DNAH3: variants seen among roughly 807,000 people sequenced by gnomAD.
DNAH3 encodes the protein dynein axonemal heavy chain 3.
DNAH3 carries 332 observed loss-of-function variants against 432.5 expected under a neutral mutation model. That is an observed-to-expected ratio of 0.77 (90% confidence interval 0.70 to 0.84). The LOEUF (loss-of-function observed/expected upper bound fraction) is 0.84, where lower values mean the gene tolerates loss of function less well. Ranked by LOEUF, DNAH3 falls within the 40% of genes least tolerant of loss-of-function variation. DNAH3 has a pLI of 0.00. For missense variants in DNAH3, 4,861 were observed against 5,114.0 expected (o/e 0.95, Z 1.51); for synonymous variants, 1,956 against 1,900.2 (o/e 1.03, Z -0.76).
intron 59 of DNAH3, 143 bp downstream of exon 59, chr16:20,941,258 C>T: frequency 1.1e-6 from 1 of 878,144 alleles, no homozygotes; most frequent in Non-Finnish European, 1.8e-6. Context: ...GGGGATGGTC[C>T]TATTCACAGC....
At chr16:21,114,669 T>G (rs1567814587) in intron 12 of DNAH3, among the ~76,000 whole-genome samples, 2 of 152,018 alleles carry the variant, frequency 1.3e-5, no homozygotes. Flanking sequence ...ATCAGAGAAA[T>G]GCAAATCAAA....
chr16:21,000,487 G>A (rs755781437), exon 43 of DNAH3: 1 of 1,611,860 alleles, frequency 6.2e-7, no homozygotes, highest in East Asian at 2.2e-5. Flanking sequence ...CTGCCGGGCT[G>A]TCTCCATTGT....
At chr16:21,053,375 G>A (rs887480036) in intron 28 of DNAH3, among the ~76,000 whole-genome samples, 2 of 152,138 alleles carry the variant, frequency 1.3e-5, no homozygotes, top group East Asian at 3.9e-4. Flanking sequence ...GTATGCCTGA[G>A]GGATCCAAGA....
At chr16:21,079,777 G>T (rs1199501893) in intron 20 of DNAH3, among the ~76,000 whole-genome samples, 6 of 152,214 alleles carry the variant, frequency 3.9e-5, no homozygotes, top group Non-Finnish European at 5.9e-5. Flanking sequence ...AAACCTAAGG[G>T]TTTTTATCCT....
chr16:21,144,971 A>G (rs964529937), intron 3 of DNAH3, among the ~76,000 whole-genome samples: 2 of 152,046 alleles, frequency 1.3e-5, no homozygotes, highest in Non-Finnish European at 2.9e-5. Flanking sequence ...TACAAAAAAA[A>G]ATAGCCAGGT....
rs530645573 is a variant in DNAH3 at position 20,999,832 on chromosome 16, C to T, written c.6421+392G>A. Among the ~76,000 whole-genome samples the T allele has an allele frequency of 3.9e-5, 6 of 152,248 alleles. No homozygotes were observed. In the South Asian group the frequency reaches 1.2e-3, roughly 32 times the overall value. ...TAGGTTCCTCCATTTAGTGATAACACATTTATCTGACAGAAAATGGAATAA... is the reference window on the plus strand; with the variant it reads ...TAGGTTCCTCCATTTAGTGATAACATATTTATCTGACAGAAAATGGAATAA... On this transcript the variant is annotated intron_variant, in intron 43 of 61. Coordinates refer to ENST00000261383, the Ensembl canonical transcript of DNAH3.
At chr16:20,939,658 A>G (rs2083731037) in intron 59 of DNAH3, among the ~76,000 whole-genome samples, 1 of 151,886 alleles carries the variant, frequency 6.6e-6, no homozygotes, top group Non-Finnish European at 1.5e-5. Context: ...GAAGCCTAAC[A>G]ACTCTCAAAT....
At chr16:20,955,206 A>G (rs542730579) in intron 54 of DNAH3, 149 bp from the exon 55 acceptor site, 38 of 746,788 alleles carry the variant, frequency 5.1e-5, no homozygotes, top group Admixed American at 9.9e-5. Flanking sequence ...TATTTTATTG[A>G]TAAATTAAAA....
chr16:21,107,735 G>C (rs889256495), intron 14 of DNAH3, among the ~76,000 whole-genome samples: 1 of 152,120 alleles, frequency 6.6e-6, no homozygotes, highest in Non-Finnish European at 1.5e-5. Flanking sequence ...AATGACTGAC[G>C]GTCTTGGCAT....
intron 18 of DNAH3, among the ~76,000 whole-genome samples, chr16:21,096,080 T>A (rs1351630298): frequency 6.6e-6 from 1 of 151,964 alleles, no homozygotes; most frequent in Non-Finnish European, 1.5e-5. Flanking sequence ...TTCTTGTGTT[T>A]ATAAATACTG....
Position 20,981,735 on chromosome 16 carries a change from GATAA to G in DNAH3, c.7859+982_7859+985del, listed in dbSNP as rs907707159. On this transcript the variant is annotated intron_variant, in intron 49 of 61. Transcript: ENST00000261383. ...GTGAGACTCCATCTCAAAATAAATA[GATAA>G]ATAAATAAATAAATAAAATAAACAA... Among the ~76,000 whole-genome samples the G allele has an allele frequency of 1.9e-3, 290 of 151,444 alleles. 1 individual carries two copies. Among genetic ancestry groups the G allele is most frequent in the African/African-American group, 6.4e-3 (264 of 41,330 alleles).
At chr16:21,142,632 A>G (rs1160905903) in intron 3 of DNAH3, among the ~76,000 whole-genome samples, 1 of 151,952 alleles carries the variant, frequency 6.6e-6, no homozygotes, top group Non-Finnish European at 1.5e-5. Flanking sequence ...AATAGTCCAC[A>G]TATAACAACA....
intron 56 of DNAH3, among the ~76,000 whole-genome samples, chr16:20,949,087 T>C (rs1286900497): frequency 1.3e-5 from 2 of 151,856 alleles, no homozygotes; most frequent in African/African-American, 2.4e-5. Context: ...CATCTTCCAT[T>C]CGTTTGTGCG....
chr16:21,118,417 ACTCT>A (rs1218240957), intron 11 of DNAH3, among the ~76,000 whole-genome samples: 3 of 151,272 alleles, frequency 2.0e-5, no homozygotes, highest in East Asian at 2.0e-4. Flanking sequence ...GAGAATTCAT[ACTCT>A]CTAACTTCTT....
intron 7 of DNAH3, chr16:21,130,062 T>C (rs1011821674): frequency 8.1e-6 from 1 of 123,344 alleles, no homozygotes; most frequent in Admixed American, 9.3e-5. Context: ...ATTTGTTAAA[T>C]GAATGAATGA....
At chr16:21,028,580 G>A (rs1417136254) in intron 37 of DNAH3, among the ~76,000 whole-genome samples, 1 of 151,908 alleles carries the variant, frequency 6.6e-6, no homozygotes, top group African/African-American at 2.4e-5. Flanking sequence ...GAGAATTGCG[G>A]GAGGTGGAGG....
At chr16:20,947,799 G>T (rs2084118321) in intron 57 of DNAH3, among the ~76,000 whole-genome samples, 1 of 151,550 alleles carries the variant, frequency 6.6e-6, no homozygotes, top group South Asian at 2.1e-4. Flanking sequence ...TTGTTTTTTT[G>T]AGACAGTTTC....
exon 53 of DNAH3, chr16:20,965,206 A>C (rs2085000116): frequency 6.2e-7 from 1 of 1,613,464 alleles, no homozygotes; most frequent in African/African-American, 1.3e-5. Context: ...GCGATCGTAC[A>C]CCTCCATGGC....
chr16:21,145,042 G>A (rs750992331), intron 3 of DNAH3, 139 bp downstream of exon 4: 29 of 684,920 alleles, frequency 4.2e-5, no homozygotes, highest in Non-Finnish European at 7.1e-5. Context: ...AATCCGGGAG[G>A]CGGAGGTTGC....
Sources: allele counts gnomAD v4.1 joint callset (sites outside exome capture counted in the v4.1 genomes callset), GRCh38; gene constraint gnomAD v4.1.1; transcripts MANE v1.5; gene names NCBI Gene and HGNC (gene_info 2026-07-23, HGNC 2026-07-21).